ADARB2: variants seen among roughly 807,000 people sequenced by gnomAD.
ADARB2 encodes the protein inactive double-stranded RNA-specific editase B2.
A neutral mutation model predicts 62.2 loss-of-function variants in ADARB2; 25 were observed. The observed-to-expected ratio is 0.40, with a 90% CI of 0.29 to 0.56. ADARB2 has a LOEUF of 0.56. Among genes scored for constraint, ADARB2 ranks in the 20% least tolerant of loss-of-function variants. ADARB2 has a pLI of 0.43. For missense variants in ADARB2, 1,071 were observed against 1,077.4 expected, an observed-to-expected ratio of 0.99 and a Z score of 0.08; for synonymous variants, 572 against 500.8, an observed-to-expected ratio of 1.14 and a Z score of -1.90.
At chr10:1,648,877 A>G (rs1016991670) in intron 1 of ADARB2, among the ~76,000 whole-genome samples, 71 of 152,154 alleles carry the variant, frequency 4.7e-4, no homozygotes, top group African/African-American at 1.6e-3. Flanking sequence ...CTAGCTCCTC[A>G]TCTTACAAGG....
intron 3 of ADARB2, among the ~76,000 whole-genome samples, chr10:1,344,352 T>C (rs1832059167): frequency 6.6e-6 from 1 of 152,186 alleles, no homozygotes; most frequent in Admixed American, 6.5e-5. Flanking sequence ...GGTGAGAAGG[T>C]GATGCCTCAG....
intron 1 of ADARB2, among the ~76,000 whole-genome samples, chr10:1,400,163 G>C (rs969185378): frequency 6.6e-6 from 1 of 152,238 alleles, no homozygotes; most frequent in Admixed American, 6.5e-5. Flanking sequence ...GGCTCTGCCT[G>C]CCACGTGGAG....
chr10:1,307,953 A>G, intron 3 of ADARB2, among the ~76,000 whole-genome samples: 2 of 117,192 alleles, frequency 1.7e-5, no homozygotes, highest in African/African-American at 3.3e-5. Context: ...GGGGGGAGGG[A>G]TAGCATTGGG....
intron 3 of ADARB2, among the ~76,000 whole-genome samples, chr10:1,274,765 C>T (rs2805564): frequency 1 from 152,166 of 152,356 alleles, 75,988 homozygotes; most frequent in Non-Finnish European, 1. Context: ...TGAAGCAACG[C>T]AACCAGTCAT....
At chr10:1,676,100 G>A (rs1588348638) in intron 1 of ADARB2, 1 of 984,032 alleles carries the variant, frequency 1.0e-6, no homozygotes, top group East Asian at 1.1e-4. Flanking sequence ...CTGAAGGTTT[G>A]CAGGCATATT....
intron 1 of ADARB2, among the ~76,000 whole-genome samples, chr10:1,575,027 A>AGGGCTGCAAAATTGTAACAGGTAACT (rs1564335157): frequency 2.6e-5 from 4 of 152,238 alleles, no homozygotes; most frequent in African/African-American, 9.6e-5. Flanking sequence ...AACAGGTAAC[A>AGGGCTGCAAAATTGTAACAGGTAACT]GGGCTGCAAC....
intron 1 of ADARB2, among the ~76,000 whole-genome samples, chr10:1,653,646 A>G (rs534645558): frequency 2.6e-4 from 37 of 142,656 alleles, no homozygotes; most frequent in South Asian, 1.7e-3. Context: ...TCCACCCAAC[A>G]CCTTCTGTGC....
rs3750676 is a variant in ADARB2 at position 1,242,111 on chromosome 10, G to A, written c.1361+20C>T. On this transcript the variant is annotated intron_variant, in intron 5 of 9. Transcript: ENST00000381312. ...AGCCGCGGCGTCCGCCTTCCCTGGA[G>A]CCCGTCCCCAGCCGCTCACCTCAGG... 3 of 1,584,476 alleles carry A rather than the reference G, an allele frequency of 1.9e-6. No homozygotes were observed. The highest frequency in any genetic ancestry group is 1.3e-5 in the African/African-American group (1 of 74,716).
At chr10:1,208,335 T>C (rs937676451) in intron 7 of ADARB2, among the ~76,000 whole-genome samples, 1 of 152,222 alleles carries the variant, frequency 6.6e-6, no homozygotes, top group Non-Finnish European at 1.5e-5. Flanking sequence ...AAAAGGTGTC[T>C]GCAGGGTCGT....
At chr10:1,358,989 G>A (rs1305897694) in intron 3 of ADARB2, among the ~76,000 whole-genome samples, 2 of 152,188 alleles carry the variant, frequency 1.3e-5, no homozygotes, top group East Asian at 1.9e-4. Context: ...ATTCCTTTAT[G>A]GTTGCGTTTT....
At chr10:1,552,252 G>C (rs1294401718) in intron 1 of ADARB2, among the ~76,000 whole-genome samples, 1 of 152,262 alleles carries the variant, frequency 6.6e-6, no homozygotes, top group Non-Finnish European at 1.5e-5. Context: ...CTCCAGGGCA[G>C]CTGTGGCCTG....
At chr10:1,685,874 G>A (rs116788781) in intron 1 of ADARB2, among the ~76,000 whole-genome samples, 2,118 of 152,252 alleles carry the variant, frequency 0.014, 55 homozygotes, top group African/African-American at 0.049. Context: ...GCCCTCCAGT[G>A]GGGGAGGCTG....
At chr10:1,526,653 G>A in intron 1 of ADARB2, 2 of 241,350 alleles carry the variant, frequency 8.3e-6, no homozygotes, top group South Asian at 3.4e-5. Context: ...AGATGCAGAT[G>A]CTGGTGCCAC....
intron 1 of ADARB2, among the ~76,000 whole-genome samples, chr10:1,468,081 T>G (rs1205737055): frequency 6.6e-6 from 1 of 152,260 alleles, no homozygotes; most frequent in Admixed American, 6.5e-5. Context: ...TAATATGTCA[T>G]CTATATGACA....
chr10:1,717,734 C>T (rs534030737), intron 1 of ADARB2, among the ~76,000 whole-genome samples: 16 of 151,938 alleles, frequency 1.1e-4, no homozygotes, highest in Admixed American at 8.5e-4. Context: ...CACACCACCA[C>T]GCTGGACTAA....
At chr10:1,295,921 C>T (rs12268251) in intron 3 of ADARB2, among the ~76,000 whole-genome samples, 6,777 of 152,200 alleles carry the variant, frequency 0.045, 537 homozygotes, top group African/African-American at 0.15. Context: ...CATCCCCAAG[C>T]GCAACGGCTC....
At chr10:1,615,118 T>C (rs907842367) in intron 1 of ADARB2, among the ~76,000 whole-genome samples, 1 of 152,188 alleles carries the variant, frequency 6.6e-6, no homozygotes, top group Non-Finnish European at 1.5e-5. Flanking sequence ...AATTTTTATT[T>C]TTTTGCTATT....
intron 1 of ADARB2, among the ~76,000 whole-genome samples, chr10:1,401,932 T>C (rs964172054): frequency 6.6e-6 from 1 of 152,226 alleles, no homozygotes; most frequent in Non-Finnish European, 1.5e-5. Flanking sequence ...GATTTCTTTA[T>C]GGAAGGGCTT....
chr10:1,546,010 TA>T (rs57460873), intron 1 of ADARB2, among the ~76,000 whole-genome samples: 51,091 of 148,674 alleles, frequency 0.34, 9,076 homozygotes, highest in Non-Finnish European at 0.4. Flanking sequence ...CTTAGTCCTT[TA>T]AAAAAAAAAA....
Sources: gnomAD v4.1 joint callset for allele counts (sites outside exome capture counted in the v4.1 genomes callset) on GRCh38, gnomAD v4.1.1 for gene constraint, MANE v1.5 for transcripts, NCBI Gene and HGNC (gene_info 2026-07-23, HGNC 2026-07-21) for gene names.